RTN4RL1: variants seen among roughly 807,000 people sequenced by gnomAD.
RTN4RL1 encodes reticulon 4 receptor like 1, also known as reticulon-4 receptor-like 1.
RTN4RL1 carries 7 observed loss-of-function variants against 25.6 expected under a neutral mutation model. That is an observed-to-expected ratio of 0.27 (90% CI 0.16 to 0.51). The LOEUF (loss-of-function observed/expected upper bound fraction) is 0.51, where lower values mean the gene tolerates loss of function less well. Among genes scored for constraint, RTN4RL1 ranks in the 20% least tolerant of loss-of-function variants. The pLI is 0.97. For missense variants in RTN4RL1, 500 were observed against 615.6 expected (o/e 0.81, Z 1.99); for synonymous variants, 297 against 288.2 (o/e 1.03, Z -0.31).
chr17:1,944,532 T>A (rs1220600411), intron 1 of RTN4RL1, among the ~76,000 whole-genome samples: 2 of 152,180 alleles, frequency 1.3e-5, no homozygotes, highest in Non-Finnish European at 2.9e-5. Context: ...CTCGGCTCAC[T>A]GCAACTTCCA....
chr17:1,974,081 A>G (rs972802985), intron 1 of RTN4RL1, among the ~76,000 whole-genome samples: 4 of 150,904 alleles, frequency 2.7e-5, no homozygotes, highest in African/African-American at 9.8e-5. Flanking sequence ...GGAGGGGGGA[A>G]AGGTTACATT....
intron 1 of RTN4RL1, among the ~76,000 whole-genome samples, chr17:1,973,495 G>A (rs2066829373): frequency 6.7e-6 from 1 of 149,552 alleles, no homozygotes; most frequent in Non-Finnish European, 1.5e-5. Flanking sequence ...TCCAGCGTGG[G>A]CAACAGAACA....
Position 1,935,678 on chromosome 17 carries a change from G to C in RTN4RL1, c.*818C>G. 4 of 956,580 alleles carry C rather than the reference G, an allele frequency of 4.2e-6. No individual in the cohort carries two copies. The highest frequency in any genetic ancestry group is 4.9e-6 in the Non-Finnish European group (4 of 813,906). 59.3% of individuals were successfully genotyped at this position (956,580 alleles called of 1,614,324 possible). On this transcript the variant is annotated 3_prime_UTR_variant, in exon 2 of 2. Coordinates refer to ENST00000331238, the MANE Select transcript of RTN4RL1 (RefSeq NM_178568.4). Reference sequence around the variant, plus strand: ...ATAAACATGAAAAGACGTACAGTTAGGTAACGGAGTGGGAGGGGGACTGTG... The same window carrying C: ...ATAAACATGAAAAGACGTACAGTTACGTAACGGAGTGGGAGGGGGACTGTG...
At chr17:1,954,318 G>GA (rs1467605160) in intron 1 of RTN4RL1, among the ~76,000 whole-genome samples, 2 of 151,434 alleles carry the variant, frequency 1.3e-5, no homozygotes, top group Non-Finnish European at 2.9e-5. Flanking sequence ...ACCTGCTCCA[G>GA]AAGCCTCCCT....
chr17:1,970,023 T>C (rs1007061267), intron 1 of RTN4RL1, among the ~76,000 whole-genome samples: 1 of 150,182 alleles, frequency 6.7e-6, no homozygotes, highest in African/African-American at 2.4e-5. Flanking sequence ...CTCTCTCTTT[T>C]TTTTTTTTTT....
chr17:1,999,456 AAAC>A (rs1297559664), intron 1 of RTN4RL1, among the ~76,000 whole-genome samples: 5 of 89,242 alleles, frequency 5.6e-5, no homozygotes, highest in Admixed American at 4.4e-4. Context: ...GAAAAAAATA[AAAC>A]ACACACACAC....
chr17:2,002,694 C>T (rs1053643454), intron 1 of RTN4RL1, among the ~76,000 whole-genome samples: 2 of 152,120 alleles, frequency 1.3e-5, no homozygotes, highest in Non-Finnish European at 2.9e-5. Flanking sequence ...TTCCTCCCCA[C>T]GCCCGTCTCT....
At chr17:2,008,044 G>A (rs750503489) in intron 1 of RTN4RL1, among the ~76,000 whole-genome samples, 13 of 151,986 alleles carry the variant, frequency 8.6e-5, no homozygotes, top group Non-Finnish European at 1.8e-4. Flanking sequence ...AGGCCGAGGC[G>A]GGCGGATCAC....
chr17:1,944,490 C>G (rs1005490383), intron 1 of RTN4RL1, among the ~76,000 whole-genome samples: 5 of 152,140 alleles, frequency 3.3e-5, no homozygotes, highest in Admixed American at 6.5e-5. Flanking sequence ...GAGTCTCGCT[C>G]TGTCCCCCAG....
At chr17:1,969,281 A>G (rs2066807421) in intron 1 of RTN4RL1, among the ~76,000 whole-genome samples, 4 of 149,544 alleles carry the variant, frequency 2.7e-5, no homozygotes, top group Admixed American at 2.7e-4. Flanking sequence ...CTAGTCTTGA[A>G]CTCCTGACCT....
chr17:2,022,341 G>T (rs941484434), intron 1 of RTN4RL1, among the ~76,000 whole-genome samples: 1 of 151,832 alleles, frequency 6.6e-6, no homozygotes, highest in Non-Finnish European at 1.5e-5. Flanking sequence ...TTGTAGAGAC[G>T]AAGTCCCACT....
At chr17:1,976,359 A>G (rs2066842736) in intron 1 of RTN4RL1, among the ~76,000 whole-genome samples, 1 of 152,276 alleles carries the variant, frequency 6.6e-6, no homozygotes, top group Non-Finnish European at 1.5e-5. Context: ...AATAATGAAC[A>G]CTTTCCCCAG....
intron 1 of RTN4RL1, among the ~76,000 whole-genome samples, chr17:1,976,978 T>C (rs1288551763): frequency 6.6e-6 from 1 of 152,144 alleles, no homozygotes; most frequent in African/African-American, 2.4e-5. Flanking sequence ...TCGGAGTAAG[T>C]GCTTATTTTG....
intron 1 of RTN4RL1, among the ~76,000 whole-genome samples, chr17:1,959,173 AC>A (rs1431162036): frequency 6.6e-6 from 1 of 151,950 alleles, no homozygotes; most frequent in Non-Finnish European, 1.5e-5. Flanking sequence ...AGACCCTTAT[AC>A]TCTGGGCAGT....
intron 1 of RTN4RL1, among the ~76,000 whole-genome samples, chr17:2,016,052 C>T (rs2067117890): frequency 6.6e-6 from 1 of 152,146 alleles, no homozygotes; most frequent in African/African-American, 2.4e-5. Flanking sequence ...TGGGCTCTGA[C>T]ATTAGGTACC....
chr17:1,990,892 G>T (rs746245221), intron 1 of RTN4RL1, among the ~76,000 whole-genome samples: 1 of 152,160 alleles, frequency 6.6e-6, no homozygotes, highest in Non-Finnish European at 1.5e-5. Flanking sequence ...CTCCAAGAGA[G>T]GAGACGGTGT....
chr17:2,007,332 GCCCCAACA>G (rs1410841884), intron 1 of RTN4RL1, among the ~76,000 whole-genome samples: 802 of 78,696 alleles, frequency 0.01, 10 homozygotes, highest in African/African-American at 0.054. Context: ...CATGTTCACA[GCCCCAACA>G]CACACACACA....
intron 1 of RTN4RL1, among the ~76,000 whole-genome samples, chr17:1,952,765 C>CG (rs898722603): frequency 3.3e-5 from 5 of 151,462 alleles, no homozygotes; most frequent in African/African-American, 1.2e-4. Flanking sequence ...CCTCTCCTGC[C>CG]GGGGGTGAGT....
chr17:1,952,780 G>A (rs1010054181), intron 1 of RTN4RL1, among the ~76,000 whole-genome samples: 1 of 151,842 alleles, frequency 6.6e-6, no homozygotes, highest in East Asian at 2.0e-4. Context: ...GTGAGTCTTT[G>A]TCTACTTCAC....
Sources: gnomAD v4.1 joint callset for allele counts (sites outside exome capture counted in the v4.1 genomes callset) on GRCh38, gnomAD v4.1.1 for gene constraint, MANE v1.5 for transcripts, NCBI Gene and HGNC (gene_info 2026-07-23, HGNC 2026-07-21) for gene names.